The following KCNQ1 variants were observed in gnomAD, a reference collection of about 807,000 sequenced individuals.
KCNQ1 encodes potassium voltage-gated channel subfamily Q member 1.
A neutral mutation model predicts 72.4 loss-of-function variants in KCNQ1; 49 were observed. That is an observed-to-expected ratio of 0.68 (90% CI 0.54 to 0.86). KCNQ1 has a LOEUF of 0.86. Among genes scored for constraint, KCNQ1 ranks in the 40% least tolerant of loss-of-function variants. KCNQ1 has a pLI of 0.00. For synonymous variants in KCNQ1, 450 were observed against 412.6 expected (o/e 1.09, Z -1.10); for missense variants, 790 against 945.1 (o/e 0.84, Z 2.15).
intron 11 of KCNQ1, among the ~76,000 whole-genome samples, chr11:2,763,371 C>G (rs978497200): frequency 6.9e-6 from 1 of 145,620 alleles, no homozygotes; most frequent in African/African-American, 2.6e-5. Flanking sequence ...TGAAACCAGC[C>G]TGGGCAAAAT....
At chr11:2,660,202 A>C in intron 10 of KCNQ1, 1 of 398,244 alleles carries the variant, frequency 2.5e-6, no homozygotes, top group Non-Finnish European at 4.4e-6. Context: ...TTTTTCAGTA[A>C]GTTTGTATGT....
intron 10 of KCNQ1, chr11:2,650,589 A>T: frequency 2.5e-6 from 1 of 398,666 alleles, no homozygotes; most frequent in Non-Finnish European, 4.4e-6. Context: ...TGTGAAGGCA[A>T]GAAGGCTCCT....
In KCNQ1 at chr11:2,699,486, GGGGAGAGT is replaced by G. The variant is rs1564862402; in HGVS notation, c.1514+37407_1514+37414del. The G allele has an allele frequency of 5.2e-5, 16 of 309,554 alleles. No individual in the cohort carries two copies. The South Asian group carries it at 1.5e-3, about 30-fold the overall frequency. 19.2% of individuals were successfully genotyped at this position (309,554 alleles called of 1,614,324 possible). ...GAGAGTGCCGCGCTGAGGAGCCCCCGGGGAGAGTGCCGCGCTGAGGAGCCCCCAGGAGA... is the reference window on the plus strand; with the variant it reads ...GAGAGTGCCGCGCTGAGGAGCCCCCGGCCGCGCTGAGGAGCCCCCAGGAGA... On this transcript the variant is annotated intron_variant, in intron 11 of 15. Transcript: ENST00000155840.
At chr11:2,694,643 T>G (rs1850643814) in intron 11 of KCNQ1, 1 of 398,486 alleles carries the variant, frequency 2.5e-6, no homozygotes, top group African/African-American at 2.1e-5. Flanking sequence ...AACAGAAATC[T>G]GTGACACACC....
chr11:2,611,816 T>C lies in KCNQ1; in HGVS notation c.1393+22962T>C, dbSNP rs182675150. 137 of 398,522 alleles carry C rather than the reference T, an allele frequency of 3.4e-4. 1 individual carries two copies. The highest frequency in any genetic ancestry group is 2.7e-3 in the African/African-American group (131 of 48,752). The allele number at this position is 398,522 out of a possible 1,614,324, so 24.7% of individuals were successfully genotyped here. A position where few individuals can be genotyped will look rare whatever the true frequency, so the allele number is the denominator to read the frequency against. ...TTCCTCCTTTACTGCCTTCTGCAGG[T>C]TGAATAGATATGTTCTAGAGTACCA... On this transcript the variant is annotated intron_variant, in intron 10 of 15. Coordinates refer to ENST00000155840, the MANE Select transcript of KCNQ1 (RefSeq NM_000218.3). This position sits in a 1 kb window ranked among gnomAD's most constrained non-coding sequence, Gnocchi z 5.3.
chr11:2,686,088 A>G (rs1288547514), intron 11 of KCNQ1: 2 of 398,746 alleles, frequency 5.0e-6, no homozygotes, highest in Non-Finnish European at 8.8e-6. Flanking sequence ...AGCATTGAGT[A>G]GGCCTGAGTT....
chr11:2,621,783 G>T lies in KCNQ1; in HGVS notation c.1393+32929G>T, dbSNP rs912758337. 3 of 397,996 alleles carry T rather than the reference G, an allele frequency of 7.5e-6. No individual in the cohort carries two copies. Among genetic ancestry groups the T allele is most frequent in the Non-Finnish European group, 1.3e-5 (3 of 225,884 alleles). 24.7% of individuals were successfully genotyped at this position (397,996 alleles called of 1,614,324 possible). On this transcript the variant is annotated intron_variant, in intron 10 of 15. Transcript: ENST00000155840. The surrounding 1 kb of genome is among the most constrained non-coding windows in gnomAD (Gnocchi z 5.7). ...CTCTTTCTTAGTCCAAGAGTTTGTT[G>T]ATTTTATTTTTCAAAAATCAATTCT...
At position 2,459,235 on chromosome 11, in the gene KCNQ1, G is replaced by A. The variant is rs189023629; in HGVS notation, c.386+13751G>A. Among the ~76,000 whole-genome samples, 573 of 152,340 alleles carry A rather than the reference G, an allele frequency of 3.8e-3. 5 individuals are homozygous for A. The highest frequency in any genetic ancestry group is 0.013 in the African/African-American group (538 of 41,578). The stretch of plus-strand genomic sequence containing the variant: ...GTGGTCTGTCTCCTCTGGGCGCCCC[G>A]TGGCGCCCGGTGGTGTGAGGTTAGG... On this transcript the variant is annotated intron_variant, in intron 1 of 15. Transcript: ENST00000155840.
rs929102533 is a variant in KCNQ1, at chr11:2,745,392, G to A, written c.1515-23452G>A. ...TCCTGGATGAGACCTTCTTTCCCCT[G>A]CTATTTTGGAATTTTTTCTCCCAGG... is the stretch of plus-strand genomic sequence containing the variant. On this transcript the variant is annotated intron_variant, in intron 11 of 15. Coordinates refer to ENST00000155840, the MANE Select transcript of KCNQ1 (RefSeq NM_000218.3). The surrounding 1 kb of genome is among the most constrained non-coding windows in gnomAD (Gnocchi z 6.2). Among the ~76,000 whole-genome samples, 3 of 152,076 alleles carry A rather than the reference G, an allele frequency of 2.0e-5. No individual in the cohort carries two copies. Among genetic ancestry groups the A allele is most frequent in the African/African-American group, 4.8e-5 (2 of 41,412 alleles).
chr11:2,845,935 A>ACGACCACAGCACCC (rs931587844), intron 15 of KCNQ1, among the ~76,000 whole-genome samples: 2 of 152,102 alleles, frequency 1.3e-5, no homozygotes, highest in African/African-American at 4.8e-5. Flanking sequence ...GCTGTGGGTG[A>ACGACCACAGCACCC]CGACCACAGC....
chr11:2,645,204 CT>C lies in KCNQ1; in HGVS notation c.1394-16755del, dbSNP rs1420726891. ...GGATGGCTGGGATAAGCTGGATGAG[CT>C]TGTCCCAAGGCCCACAGGTGGCAAA... is the stretch of plus-strand genomic sequence containing the variant. On this transcript the variant is annotated intron_variant, in intron 10 of 15. Coordinates refer to ENST00000155840, the MANE Select transcript of KCNQ1 (RefSeq NM_000218.3). This position sits in a 1 kb window ranked among gnomAD's most constrained non-coding sequence, Gnocchi z 5.8. 4 of 398,674 alleles carry C rather than the reference CT, an allele frequency of 1.0e-5. No individual in the cohort carries two copies. In the East Asian group the frequency reaches 1.4e-4, roughly 14 times the overall value. The allele number at this position is 398,674 out of a possible 1,614,324, so 24.7% of individuals were successfully genotyped here.
intron 2 of KCNQ1, among the ~76,000 whole-genome samples, chr11:2,561,361 T>G (rs1290909886): frequency 2.6e-5 from 4 of 152,198 alleles, no homozygotes; most frequent in Non-Finnish European, 5.9e-5. Context: ...TCTTCTGTGC[T>G]GTGTGCAGCA....
chr11:2,627,328 C>T lies in KCNQ1; in HGVS notation c.1394-34633C>T, dbSNP rs562617612. On this transcript the variant is annotated intron_variant, in intron 10 of 15. Coordinates refer to ENST00000155840, the MANE Select transcript of KCNQ1 (RefSeq NM_000218.3). The surrounding 1 kb of genome is among the most constrained non-coding windows in gnomAD (Gnocchi z 4.9). ...TGTGTGCGTGTGTGTGGTCAGAATA[C>T]CTAAGCTATACTCTCTTAGCAAATT... 1.7e-4 allele frequency: 68 copies of T among 398,468 alleles called. No individual in the cohort carries two copies. The South Asian group carries it at 3.3e-3, about 19-fold the overall frequency. 24.7% of individuals were successfully genotyped at this position (398,468 alleles called of 1,614,324 possible).
Position 2,674,247 on chromosome 11 carries a change from GCCCCTCTCTCCCAGC to G in KCNQ1, c.1514+12171_1514+12185del, listed in dbSNP as rs1421924239. ...CAGATAGATGTGAGCAGAGCTGGAG[GCCCCTCTCTCCCAGC>G]CCCCGGCACACACACTAGGACCTTT... is the stretch of plus-strand genomic sequence containing the variant. On this transcript the variant is annotated intron_variant, in intron 11 of 15. Transcript: ENST00000155840. This position sits in a 1 kb window ranked among gnomAD's most constrained non-coding sequence, Gnocchi z 5.9. 1 of 398,556 alleles carries G rather than the reference GCCCCTCTCTCCCAGC, an allele frequency of 2.5e-6. No individual in the cohort carries two copies. Among genetic ancestry groups the G allele is most frequent in the Non-Finnish European group, 4.4e-6 (1 of 226,136 alleles). 24.7% of individuals were successfully genotyped at this position (398,556 alleles called of 1,614,324 possible).
intron 2 of KCNQ1, among the ~76,000 whole-genome samples, chr11:2,529,188 G>T (rs577889008): frequency 2.6e-5 from 4 of 152,326 alleles, no homozygotes; most frequent in African/African-American, 9.6e-5. Context: ...AGTAGGAAGG[G>T]TCTGCTTTGG....
At chr11:2,455,259 G>A (rs557633122) in intron 1 of KCNQ1, among the ~76,000 whole-genome samples, 5 of 152,204 alleles carry the variant, frequency 3.3e-5, no homozygotes, top group African/African-American at 9.6e-5. Context: ...CACCACGCCC[G>A]GCTAATTTTT....
rs1848719872 is a variant in KCNQ1, at chr11:2,595,368, C to T, written c.1393+6514C>T. 6.6e-6 allele frequency among the ~76,000 whole-genome samples: 1 copy of T among 152,136 alleles called. No individual in the cohort carries two copies. Among genetic ancestry groups the T allele is most frequent in the Non-Finnish European group, 1.5e-5 (1 of 68,010 alleles). ...ACCAGAAATTGAGATTTTTAAAATA[C>T]AGGCGTGTCTCATTCTTATTGACTG... On this transcript the variant is annotated intron_variant, in intron 10 of 15. Coordinates refer to ENST00000155840, the MANE Select transcript of KCNQ1 (RefSeq NM_000218.3). The surrounding 1 kb of genome is among the most constrained non-coding windows in gnomAD (Gnocchi z 5.0).
At chr11:2,518,906 C>T (rs775158388) in intron 1 of KCNQ1, among the ~76,000 whole-genome samples, 4 of 152,202 alleles carry the variant, frequency 2.6e-5, no homozygotes, top group Non-Finnish European at 4.4e-5. Flanking sequence ...GGTGGGGAGG[C>T]GTCCATTCAC....
intron 15 of KCNQ1, among the ~76,000 whole-genome samples, chr11:2,823,131 G>A (rs1180490206): frequency 6.6e-6 from 1 of 152,182 alleles, no homozygotes; most frequent in Non-Finnish European, 1.5e-5. Flanking sequence ...GCAGAAAAGA[G>A]CAGCCACTGT....
Sources: gnomAD v4.1 joint callset for allele counts (sites outside exome capture counted in the v4.1 genomes callset) on GRCh38, gnomAD v4.1.1 for gene constraint, Gnocchi (gnomAD v3.1) non-coding constraint, MANE v1.5 for transcripts, NCBI Gene and HGNC (gene_info 2026-07-23, HGNC 2026-07-21) for gene names.